The following SIRPA variants were observed in gnomAD, a reference collection of about 807,000 sequenced individuals.
SIRPA encodes the protein signal regulatory protein alpha.
A neutral mutation model predicts 50.3 loss-of-function variants in SIRPA; 9 were observed. The observed-to-expected ratio is 0.18, with a 90% CI of 0.11 to 0.31. The LOEUF (loss-of-function observed/expected upper bound fraction) is 0.31, where lower values mean the gene tolerates loss of function less well. SIRPA is among the 10% of genes least tolerant of loss of function. SIRPA has a pLI of 1.00. For missense variants in SIRPA, 474 were observed against 661.6 expected, an observed-to-expected ratio of 0.72 and a Z score of 3.11; for synonymous variants, 265 against 284.1, an observed-to-expected ratio of 0.93 and a Z score of 0.68.
Position 1,937,101 on chromosome 20 carries a change from AAGACCCTTCAGGC to A in SIRPA, c.1267-216_1267-204del, listed in dbSNP as rs148964957. Reference sequence around the variant, plus strand: ...AGGAGACTGCACTGTGCGGGTCAGAAAGACCCTTCAGGCAGGGTGAGGAGGAGGGCAGATGGGA... The same window carrying A: ...AGGAGACTGCACTGTGCGGGTCAGAAAGGGTGAGGAGGAGGGCAGATGGGA... On this transcript the variant is annotated intron_variant, in intron 7 of 7. Transcript: ENST00000358771. This position sits in a 1 kb window ranked among gnomAD's most constrained non-coding sequence, Gnocchi z 8.3. 0.016 allele frequency among the ~76,000 whole-genome samples: 2,384 copies of A among 152,204 alleles called. 62 individuals are homozygous for A. The highest frequency in any genetic ancestry group is 0.054 in the African/African-American group (2,231 of 41,496).
In SIRPA at chr20:1,898,184, A is replaced by T. The variant is rs1269251469; in HGVS notation, c.79+2658A>T. Among the ~76,000 whole-genome samples, 1 of 152,364 alleles carries T rather than the reference A, an allele frequency of 6.6e-6. No individual in the cohort carries two copies. The highest frequency in any genetic ancestry group is 1.5e-5 in the Non-Finnish European group (1 of 68,026). ...CCCAGTGAACCTCTCACCGTTTGGT[A>T]GAGGGTGGCACTCTGGGGGCTCCTC... On this transcript the variant is annotated intron_variant, in intron 1 of 7. Coordinates refer to ENST00000358771, the MANE Select transcript of SIRPA (RefSeq NM_001040023.2). The surrounding 1 kb of genome is among the most constrained non-coding windows in gnomAD (Gnocchi z 4.3).
Position 1,914,985 on chromosome 20 carries a change from C to T in SIRPA, c.80-114C>T, listed in dbSNP as rs1429690083. The stretch of plus-strand genomic sequence containing the variant: ...GAGATGATACATGCACTATACTGAT[C>T]TCACAGCCTGCTTCTGGTGTGCATC... On this transcript the variant is annotated intron_variant, in intron 1 of 7. Coordinates refer to ENST00000358771, the MANE Select transcript of SIRPA (RefSeq NM_001040023.2). 1.1e-5 allele frequency: 10 copies of T among 898,284 alleles called. No homozygotes were observed. The African/African-American group carries it at 1.2e-4, about 10-fold the overall frequency. 55.6% of individuals were successfully genotyped at this position (898,284 alleles called of 1,614,324 possible).
rs548461426 is a variant in SIRPA, at chr20:1,934,266, A to C, written c.1227-449A>C. Among the ~76,000 whole-genome samples the C allele has an allele frequency of 1.3e-5, 2 of 152,334 alleles. No homozygotes were observed. The highest frequency in any genetic ancestry group is 2.4e-5 in the African/African-American group (1 of 41,572). ...CTCCTCCCCCATCCAGCCCTTGACAAATGCCTTTGTGTTGAAAGCTTTTTC... is the reference window on the plus strand; with the variant it reads ...CTCCTCCCCCATCCAGCCCTTGACACATGCCTTTGTGTTGAAAGCTTTTTC... On this transcript the variant is annotated intron_variant, in intron 6 of 7. Coordinates refer to ENST00000358771, the MANE Select transcript of SIRPA (RefSeq NM_001040023.2). This position sits in a 1 kb window ranked among gnomAD's most constrained non-coding sequence, Gnocchi z 4.6.
Position 1,934,691 on chromosome 20 carries a change from T to G in SIRPA, c.1227-24T>G, listed in dbSNP as rs1986474038. 1.2e-6 allele frequency: 2 copies of G among 1,613,430 alleles called. No homozygotes were observed. The highest frequency in any genetic ancestry group is 2.7e-5 in the African/African-American group (2 of 74,918). ...ACTTGAGATAGTGAGGGTATTTTTATCTGTGTGTCTCTTTCCTTTTTAGGT... is the reference window on the plus strand; with the variant it reads ...ACTTGAGATAGTGAGGGTATTTTTAGCTGTGTGTCTCTTTCCTTTTTAGGT... On this transcript the variant is annotated intron_variant, in intron 6 of 7. Coordinates refer to ENST00000358771, the MANE Select transcript of SIRPA (RefSeq NM_001040023.2). This position sits in a 1 kb window ranked among gnomAD's most constrained non-coding sequence, Gnocchi z 4.6.
intron 6 of SIRPA, among the ~76,000 whole-genome samples, chr20:1,930,065 C>G (rs925553692): frequency 1.3e-5 from 2 of 152,148 alleles, no homozygotes; most frequent in Non-Finnish European, 2.9e-5. Flanking sequence ...TGCCCCTGCT[C>G]ATGCACTACC....
At chr20:1,916,834 A>G (rs1264521674) in intron 2 of SIRPA, among the ~76,000 whole-genome samples, 1 of 152,208 alleles carries the variant, frequency 6.6e-6, no homozygotes, top group African/African-American at 2.4e-5. Flanking sequence ...GCCCACTGCA[A>G]GTGCCATTGC....
rs1241286702 is a variant in SIRPA, at chr20:1,927,457, C to A, written c.1202-418C>A. Among the ~76,000 whole-genome samples the A allele has an allele frequency of 6.6e-6, 1 of 152,062 alleles. No homozygotes were observed. Among genetic ancestry groups the A allele is most frequent in the Non-Finnish European group, 1.5e-5 (1 of 68,014 alleles). On this transcript the variant is annotated intron_variant, in intron 5 of 7. Transcript: ENST00000358771. The surrounding 1 kb of genome is among the most constrained non-coding windows in gnomAD (Gnocchi z 6.5). Reference sequence around the variant, plus strand: ...CATGGTGAGTGAGTGGGTAGCAGACCCGGGGTTCACACATGATCCCCGATT... The same window carrying A: ...CATGGTGAGTGAGTGGGTAGCAGACACGGGGTTCACACATGATCCCCGATT...
chr20:1,932,566 T>C lies in SIRPA; in HGVS notation c.1227-2149T>C, dbSNP rs764412067. ...GCTGAGCCTTGGAGCTGGTGTCACT[T>C]GACCACCTTGGAGTGGTTATAGAGG... On this transcript the variant is annotated intron_variant, in intron 6 of 7. Coordinates refer to ENST00000358771, the MANE Select transcript of SIRPA (RefSeq NM_001040023.2). The surrounding 1 kb of genome is among the most constrained non-coding windows in gnomAD (Gnocchi z 6.0). 1.3e-5 allele frequency among the ~76,000 whole-genome samples: 2 copies of C among 152,198 alleles called. No individual in the cohort carries two copies. Among genetic ancestry groups the C allele is most frequent in the African/African-American group, 2.4e-5 (1 of 41,442 alleles).
chr20:1,931,650 G>C (rs1453217428), intron 6 of SIRPA, among the ~76,000 whole-genome samples: 1 of 152,152 alleles, frequency 6.6e-6, no homozygotes, highest in Non-Finnish European at 1.5e-5. Flanking sequence ...GAGGACGTTG[G>C]TGTGAGTAAC....
chr20:1,913,883 T>G (rs1022506469), intron 1 of SIRPA, among the ~76,000 whole-genome samples: 6 of 152,162 alleles, frequency 3.9e-5, no homozygotes, highest in Admixed American at 1.3e-4. Context: ...GCTCCCCCCG[T>G]GCACCCCAAT....
Position 1,939,585 on chromosome 20 carries a change from AAAG to A in SIRPA, c.*2020_*2022del, listed in dbSNP as rs1986773199. On this transcript the variant is annotated 3_prime_UTR_variant, in exon 8 of 8. Coordinates refer to ENST00000358771, the MANE Select transcript of SIRPA (RefSeq NM_001040023.2). The surrounding 1 kb of genome is among the most constrained non-coding windows in gnomAD (Gnocchi z 4.7). ...ATGCACACACACATTCAGTATTTTA[AAAG>A]AATGTTTTCTTGGTGCCATTTTCAT... The A allele has an allele frequency of 2.6e-5, 4 of 152,202 alleles. No individual in the cohort carries two copies. Among genetic ancestry groups the A allele is most frequent in the Admixed American group, 1.3e-4 (2 of 15,284 alleles). The allele number at this position is 152,202 out of a possible 1,614,324, so 9.4% of individuals were successfully genotyped here. A position where few individuals can be genotyped will look rare whatever the true frequency, so the allele number is the denominator to read the frequency against.
rs1172967157 is a variant in SIRPA, at chr20:1,924,232, T to C, written c.1088-532T>C. Reference sequence around the variant, plus strand: ...GTCTATGACCCCCTTACCTGTGCTGTGGGCAGTCAAGCCTCCATTGTATTT... The same window carrying C: ...GTCTATGACCCCCTTACCTGTGCTGCGGGCAGTCAAGCCTCCATTGTATTT... On this transcript the variant is annotated intron_variant, in intron 4 of 7. Transcript: ENST00000358771. This position sits in a 1 kb window ranked among gnomAD's most constrained non-coding sequence, Gnocchi z 4.5. Among the ~76,000 whole-genome samples, 1 of 152,210 alleles carries C rather than the reference T, an allele frequency of 6.6e-6. No homozygotes were observed. The highest frequency in any genetic ancestry group is 2.4e-5 in the African/African-American group (1 of 41,462).
intron 1 of SIRPA, among the ~76,000 whole-genome samples, chr20:1,895,894 C>T (rs1352955873): frequency 6.6e-6 from 1 of 152,222 alleles, no homozygotes; most frequent in Non-Finnish European, 1.5e-5. Context: ...CAGAATCTGT[C>T]CCCATGGACA....
chr20:1,923,134 A>C (rs553086289), intron 4 of SIRPA, among the ~76,000 whole-genome samples: 1 of 152,196 alleles, frequency 6.6e-6, no homozygotes, highest in Non-Finnish European at 1.5e-5. Context: ...GTTCCATCCC[A>C]CATGTGACTA....
At position 1,937,230 on chromosome 20, in the gene SIRPA, C is replaced by T. The variant is rs1180678488; in HGVS notation, c.1267-90C>T. 8.2e-6 allele frequency: 12 copies of T among 1,461,668 alleles called. No individual in the cohort carries two copies. In the East Asian group the frequency reaches 2.7e-4, roughly 33 times the overall value. 90.5% of individuals were successfully genotyped at this position (1,461,668 alleles called of 1,614,324 possible). On this transcript the variant is annotated intron_variant, in intron 7 of 7. Coordinates refer to ENST00000358771, the MANE Select transcript of SIRPA (RefSeq NM_001040023.2). The surrounding 1 kb of genome is among the most constrained non-coding windows in gnomAD (Gnocchi z 8.3). ...AGTGTGGGCCGAGAGGACACAGAAG[C>T]ATCCAGACTTGGTATTCAGTTTGAG... is the stretch of plus-strand genomic sequence containing the variant.
At position 1,937,371 on chromosome 20, in the gene SIRPA, C is replaced by G. The variant is rs1377814553; in HGVS notation, c.1318C>G (p.Pro440Ala). ...CCTGAACCTGCCCAAGGGGAAGAAG[C>G]CTGCTCCCCAGGCTGCGGAGCCCAA... ...ADLNLPKGKK[P>A]APQAAEPNNH... Residue 440 changes from proline (P) to alanine (A), a missense_variant, in exon 8 of 8, where the codon CCT (proline) becomes GCT (alanine). Transcript: ENST00000358771. This position sits in a 1 kb window ranked among gnomAD's most constrained non-coding sequence, Gnocchi z 8.3. The G allele has an allele frequency of 1.2e-6, 2 of 1,614,070 alleles. No individual in the cohort carries two copies. The highest frequency in any genetic ancestry group is 2.2e-5 in the South Asian group (2 of 91,072).
Position 1,921,463 on chromosome 20 carries a change from A to G in SIRPA, c.505A>G (p.Thr169Ala). Reference sequence around the variant, plus strand: ...CACACCTCAGCACACAGTGAGCTTCACCTGCGAGTCCCACGGCTTCTCACC... The same window carrying G: ...CACACCTCAGCACACAGTGAGCTTCGCCTGCGAGTCCCACGGCTTCTCACC... ...RATPQHTVSF[T>A]CESHGFSPRD... Residue 169 changes from threonine to alanine, a missense_variant, in exon 3 of 8, where the codon ACC becomes GCC. By Grantham distance (58) the Thr-to-Ala change is moderately conservative. Transcript: ENST00000358771. 6.2e-7 allele frequency: 1 copy of G among 1,613,818 alleles called. No homozygotes were observed. The highest frequency in any genetic ancestry group is 1.1e-5 in the South Asian group (1 of 91,072).
intron 1 of SIRPA, among the ~76,000 whole-genome samples, chr20:1,904,202 C>G (rs1031701173): frequency 6.6e-6 from 1 of 152,148 alleles, no homozygotes; most frequent in African/African-American, 2.4e-5. Flanking sequence ...TCAGGAAGCA[C>G]AAAGATATCA....
At chr20:1,916,727 C>T (rs1985323590) in intron 2 of SIRPA, among the ~76,000 whole-genome samples, 1 of 152,202 alleles carries the variant, frequency 6.6e-6, no homozygotes, top group Non-Finnish European at 1.5e-5. Context: ...TACCATCTTC[C>T]ATTGATGGAT....
Sources: allele counts gnomAD v4.1 joint callset (sites outside exome capture counted in the v4.1 genomes callset), GRCh38; gene constraint gnomAD v4.1.1; non-coding constraint Gnocchi (gnomAD v3.1); transcripts MANE v1.5; gene names NCBI Gene and HGNC (gene_info 2026-07-23, HGNC 2026-07-21).